Variants in SAG observed in about 807,000 individuals in gnomAD.
The protein encoded by SAG is S-arrestin.
In SAG, 45 loss-of-function variants were observed where a neutral mutation model predicts 55.0. That is an observed-to-expected ratio of 0.82 (90% CI 0.64 to 1.05). SAG has a LOEUF of 1.05. Among genes scored for constraint, SAG ranks in the 50% least tolerant of loss-of-function variants. SAG has a pLI of 0.00. For missense variants in SAG, 455 were observed against 512.1 expected (o/e 0.89, Z 1.08); for synonymous variants, 189 against 197.4 (o/e 0.96, Z 0.36).
chr2:233,314,747 A>G lies in SAG; in HGVS notation c.76-1328A>G, dbSNP rs192454098. Reference sequence around the variant, plus strand: ...AGTGGTATTTGCTGGAAGTCACTTCAGCATCATTCATGCGAGTAACCTAGA... The same window carrying G: ...AGTGGTATTTGCTGGAAGTCACTTCGGCATCATTCATGCGAGTAACCTAGA... On this transcript the variant is annotated intron_variant, in intron 2 of 15. Transcript: ENST00000409110. Among the ~76,000 whole-genome samples the G allele has an allele frequency of 1.2e-4, 18 of 152,268 alleles. No individual in the cohort carries two copies. The East Asian group carries it at 3.5e-3, about 29-fold the overall frequency.
intron 2 of SAG, among the ~76,000 whole-genome samples, chr2:233,312,319 G>C (rs1700096473): frequency 6.6e-6 from 1 of 152,030 alleles, no homozygotes; most frequent in Non-Finnish European, 1.5e-5. Flanking sequence ...CCACAGTCAG[G>C]CTGCCTAACT....
intron 3 of SAG, among the ~76,000 whole-genome samples, chr2:233,317,084 A>C (rs1196623180): frequency 7.9e-5 from 12 of 151,820 alleles, no homozygotes; most frequent in Admixed American, 7.9e-4. Flanking sequence ...CTGGTCTTGA[A>C]CTCCTGAGCT....
At chr2:233,346,322 G>T in intron 14 of SAG, 81 bp from the exon 15 acceptor site, 2 of 1,457,122 alleles carry the variant, frequency 1.4e-6, no homozygotes, top group South Asian at 1.1e-5. Flanking sequence ...CATTTTCTAG[G>T]TACAGCTATG....
At chr2:233,330,182 C>T (rs765858600) in intron 9 of SAG, among the ~76,000 whole-genome samples, 3 of 152,178 alleles carry the variant, frequency 2.0e-5, no homozygotes, top group Non-Finnish European at 2.9e-5. Flanking sequence ...TTATTTGGCT[C>T]TTTCATGAGG....
At chr2:233,331,586 T>G in intron 9 of SAG, 54 bp from the exon 10 acceptor site, 1 of 1,152,902 alleles carries the variant, frequency 8.7e-7, no homozygotes, top group Non-Finnish European at 1.3e-6. Context: ...GCAGGGAAAG[T>G]GCACGTGTTG....
intron 3 of SAG, among the ~76,000 whole-genome samples, chr2:233,317,198 T>C (rs1024508911): frequency 9.2e-5 from 14 of 152,230 alleles, no homozygotes; most frequent in Non-Finnish European, 1.0e-4. Flanking sequence ...ACTTACCATA[T>C]GACCCAACAG....
intron 4 of SAG, 100 bp from the exon 5 acceptor site, chr2:233,320,530 A>G (rs1700345700): frequency 2.3e-6 from 2 of 873,824 alleles, no homozygotes; most frequent in East Asian, 2.9e-5. Flanking sequence ...TCCCCTCCAG[A>G]TGCTAAAGGT....
At chr2:233,309,103 T>C in intron 1 of SAG, 59 bp from the exon 2 acceptor site, 1 of 999,556 alleles carries the variant, frequency 1.0e-6, no homozygotes, top group South Asian at 1.4e-5. Context: ...GTTCTTGACT[T>C]GATATTTAGG....
At chr2:233,335,828 T>C (rs1348656279) in intron 11 of SAG, among the ~76,000 whole-genome samples, 3 of 152,218 alleles carry the variant, frequency 2.0e-5, no homozygotes, top group Non-Finnish European at 2.9e-5. Context: ...GTCTGTGGGC[T>C]CAAGGCCCAC....
chr2:233,317,320 A>G (rs1445542051), intron 3 of SAG, among the ~76,000 whole-genome samples: 1 of 152,270 alleles, frequency 6.6e-6, no homozygotes, highest in Non-Finnish European at 1.5e-5. Flanking sequence ...GGAAAGAACC[A>G]AAATGTTTCT....
intron 2 of SAG, among the ~76,000 whole-genome samples, chr2:233,314,482 G>C (rs1163063977): frequency 6.6e-6 from 1 of 152,182 alleles, no homozygotes; most frequent in East Asian, 1.9e-4. Flanking sequence ...GAATCTACTA[G>C]GGCAACACGC....
At chr2:233,311,393 T>G (rs1700071890) in intron 2 of SAG, among the ~76,000 whole-genome samples, 1 of 152,102 alleles carries the variant, frequency 6.6e-6, no homozygotes, top group African/African-American at 2.4e-5. Context: ...TTCCCAAGAC[T>G]CTTCTCTCAT....
intron 2 of SAG, 151 bp downstream of exon 2, chr2:233,309,415 C>A: frequency 3.1e-6 from 2 of 641,360 alleles, no homozygotes; most frequent in Middle Eastern, 4.3e-4. Context: ...CTTTGGGAGG[C>A]GGAGGCGGGA....
intron 3 of SAG, among the ~76,000 whole-genome samples, 187 bp downstream of exon 3, chr2:233,316,322 T>C (rs1700216441): frequency 1.3e-5 from 2 of 152,086 alleles, no homozygotes. Context: ...TTTATTTTTA[T>C]TTTTTTGAGA....
At chr2:233,312,520 CA>C (rs1366297951) in intron 2 of SAG, among the ~76,000 whole-genome samples, 1 of 152,202 alleles carries the variant, frequency 6.6e-6, no homozygotes, top group African/African-American at 2.4e-5. Context: ...TTAATTCTTC[CA>C]AAAGCTATTT....
At chr2:233,315,379 A>G (rs543157699) in intron 2 of SAG, among the ~76,000 whole-genome samples, 80 of 122,876 alleles carry the variant, frequency 6.5e-4, no homozygotes, top group African/African-American at 2.2e-3. Context: ...TGCAACCTCC[A>G]CCTCCTAGGC....
In SAG at chr2:233,318,745, C is replaced by A; in HGVS notation, c.137-6C>A. The A allele has an allele frequency of 6.2e-7, 1 of 1,613,326 alleles. No homozygotes were observed. Among genetic ancestry groups the A allele is most frequent in the South Asian group, 1.1e-5 (1 of 91,080 alleles). ...CCCTCACTGCTCTCTCCCTCTTTTG[C>A]CTTAGATGGTGTCGTGTTGGTTGAT... On this transcript the variant is annotated splice_polypyrimidine_tract_variant and splice_region_variant and intron_variant, in intron 3 of 15. Transcript: ENST00000409110.
Position 233,320,820 on chromosome 2 carries a change from G to T in SAG, c.372G>T (p.Leu124=). The change falls in exon 5 of 16, where the codon CTG becomes CTT. Residue 124 remains leucine, a synonymous_variant. Coordinates refer to ENST00000409110, the MANE Select transcript of SAG (RefSeq NM_000541.5). ...GGAGCAACACGTACCCCTTTCTCCTGACGGTGGGTGACTCCTCCGGCCAGC... is the reference window on the plus strand; with the variant it reads ...GGAGCAACACGTACCCCTTTCTCCTTACGGTGGGTGACTCCTCCGGCCAGC... ...KLGSNTYPFL[L]TFPDYLPCSV... is the part of the protein sequence containing the mutation. 1 of 1,583,220 alleles carries T rather than the reference G, an allele frequency of 6.3e-7. No individual in the cohort carries two copies. Among genetic ancestry groups the T allele is most frequent in the Admixed American group, 1.8e-5 (1 of 55,374 alleles).
intron 5 of SAG, 88 bp downstream of exon 5, chr2:233,320,911 A>G: frequency 8.8e-7 from 1 of 1,134,526 alleles, no homozygotes; most frequent in Non-Finnish European, 1.2e-6. Flanking sequence ...ATAGAGGAAG[A>G]ACTTCACATC....
Sources: allele counts gnomAD v4.1 joint callset (sites outside exome capture counted in the v4.1 genomes callset), GRCh38; gene constraint gnomAD v4.1.1; transcripts MANE v1.5; gene names NCBI Gene and HGNC (gene_info 2026-07-23, HGNC 2026-07-21).